SGMS1: variants seen among roughly 807,000 people sequenced by gnomAD.
SGMS1 encodes the protein phosphatidylcholine:ceramide cholinephosphotransferase 1.
Under a neutral mutation model 46.2 loss-of-function variants are expected in SGMS1, and 13 were observed. The observed-to-expected ratio is 0.28, with a 90% CI of 0.18 to 0.45. The LOEUF (loss-of-function observed/expected upper bound fraction) is 0.45. Among genes scored for constraint, SGMS1 ranks in the 20% least tolerant of loss-of-function variants. SGMS1 has a pLI of 1.00. For missense variants in SGMS1, 324 were observed against 519.9 expected (o/e 0.62, Z 3.66); for synonymous variants, 203 against 187.8 (o/e 1.08, Z -0.66).
At chr10:50,371,545 T>G (rs191292533) in intron 6 of SGMS1, among the ~76,000 whole-genome samples, 141 of 152,352 alleles carry the variant, frequency 9.3e-4, no homozygotes, top group African/African-American at 2.9e-3. Flanking sequence ...GTTCTACAAC[T>G]GCACACTATA....
intron 2 of SGMS1, among the ~76,000 whole-genome samples, chr10:50,564,003 A>G (rs187571663): frequency 6.6e-6 from 1 of 152,360 alleles, no homozygotes; most frequent in Non-Finnish European, 1.5e-5. Flanking sequence ...GTGAGAAACC[A>G]GGCCTCAGGC....
At chr10:50,310,408 G>A (rs1222709101) in intron 9 of SGMS1, among the ~76,000 whole-genome samples, 4 of 152,180 alleles carry the variant, frequency 2.6e-5, no homozygotes, top group Non-Finnish European at 4.4e-5. Flanking sequence ...TTCATTTCTA[G>A]CACTGTAATA....
rs554285987 is a variant in SGMS1 at position 50,545,051 on chromosome 10, C to T, written c.-588-25130G>A. Among the ~76,000 whole-genome samples the T allele has an allele frequency of 1.1e-3, 164 of 152,130 alleles. 1 individual carries two copies. The highest frequency in any genetic ancestry group is 3.9e-3 in the African/African-American group (161 of 41,502). On this transcript the variant is annotated intron_variant, in intron 2 of 10. Transcript: ENST00000361781. ...TGAGGTGAAAATGGTAGCACGTGTA[C>T]AATAAAAGCAAGAAATGAGGACACA...
chr10:50,463,671 C>T lies in SGMS1; in HGVS notation c.-454-2857G>A, dbSNP rs186620053. ...ACTATATGATCCAGTAAGCTCACTTCTGGTATGCATCTGAAAGAATTGAAA... is the reference window on the plus strand; with the variant it reads ...ACTATATGATCCAGTAAGCTCACTTTTGGTATGCATCTGAAAGAATTGAAA... On this transcript the variant is annotated intron_variant, in intron 4 of 10. Transcript: ENST00000361781. Among the ~76,000 whole-genome samples the T allele has an allele frequency of 7.2e-5, 11 of 152,288 alleles. No homozygotes were observed. The East Asian group carries it at 2.1e-3, about 29-fold the overall frequency.
chr10:50,623,914 T>C lies in SGMS1; in HGVS notation c.-891A>G, dbSNP rs1332317857. 3.6e-5 allele frequency: 36 copies of C among 986,846 alleles called. No homozygotes were observed. The highest frequency in any genetic ancestry group is 6.1e-5 in the Admixed American group (1 of 16,296). The allele number at this position is 986,846 out of a possible 1,614,324, so 61.1% of individuals were successfully genotyped here. ...CTGCCGCCCGCAGCCGCTGCCCCGC[T>C]GGTGCGAACGCTTTCGACTTGCCAC... On this transcript the variant is annotated 5_prime_UTR_variant, in exon 1 of 11. Transcript: ENST00000361781.
At chr10:50,499,220 A>G (rs1837640890) in intron 3 of SGMS1, among the ~76,000 whole-genome samples, 1 of 152,222 alleles carries the variant, frequency 6.6e-6, no homozygotes, top group Admixed American at 6.5e-5. Context: ...TCAAATATGA[A>G]ACAGCTACTT....
At chr10:50,580,858 G>C (rs764298655) in intron 2 of SGMS1, among the ~76,000 whole-genome samples, 1 of 152,170 alleles carries the variant, frequency 6.6e-6, no homozygotes, top group Admixed American at 6.5e-5. Flanking sequence ...CAATGTGAAC[G>C]TGCTTAACAC....
chr10:50,506,802 G>C (rs1837710528), intron 3 of SGMS1, among the ~76,000 whole-genome samples: 1 of 152,174 alleles, frequency 6.6e-6, no homozygotes, highest in Admixed American at 6.5e-5. Context: ...GCCACCATTA[G>C]CTGCACCCTT....
intron 6 of SGMS1, among the ~76,000 whole-genome samples, chr10:50,351,984 C>T (rs1197220716): frequency 6.6e-6 from 1 of 152,168 alleles, no homozygotes; most frequent in Non-Finnish European, 1.5e-5. Context: ...ACTGAAGCTG[C>T]CACTTACAAA....
chr10:50,620,076 A>T, intron 1 of SGMS1, among the ~76,000 whole-genome samples: 1 of 152,244 alleles, frequency 6.6e-6, no homozygotes, highest in East Asian at 1.9e-4. Context: ...GCACCATTCA[A>T]TGCAGCTTTA....
In SGMS1 at chr10:50,456,360, T is replaced by C. The variant is rs148074339; in HGVS notation, c.-313+4313A>G. ...CCCCTTACCTACTCACATGACACTA[T>C]GGAATCCCAAGGGAAATAAGGAACC... On this transcript the variant is annotated intron_variant, in intron 5 of 10. Transcript: ENST00000361781. Among the ~76,000 whole-genome samples, 635 of 152,078 alleles carry C rather than the reference T, an allele frequency of 4.2e-3. 1 individual carries two copies. Among genetic ancestry groups the C allele is most frequent in the African/African-American group, 0.015 (616 of 41,484 alleles).
At chr10:50,477,281 C>T (rs1307765768) in intron 3 of SGMS1, among the ~76,000 whole-genome samples, 1 of 152,274 alleles carries the variant, frequency 6.6e-6, no homozygotes, top group Non-Finnish European at 1.5e-5. Flanking sequence ...AATGACTACC[C>T]TGCTGGGTTT....
intron 2 of SGMS1, among the ~76,000 whole-genome samples, chr10:50,575,162 T>C (rs1838372714): frequency 6.6e-6 from 1 of 151,814 alleles, no homozygotes; most frequent in South Asian, 2.1e-4. Context: ...TGAAGTTACA[T>C]ACAAAACAAA....
intron 3 of SGMS1, among the ~76,000 whole-genome samples, chr10:50,484,374 A>G (rs750290417): frequency 3.9e-5 from 6 of 152,322 alleles, no homozygotes; most frequent in South Asian, 2.1e-4. Flanking sequence ...TAATAGACCA[A>G]TAACAAGTTC....
At chr10:50,454,599 G>A (rs76836909) in intron 5 of SGMS1, among the ~76,000 whole-genome samples, 6 of 152,202 alleles carry the variant, frequency 3.9e-5, no homozygotes, top group African/African-American at 1.4e-4. Context: ...ACTTTTATGA[G>A]CAATATATCA....
intron 6 of SGMS1, among the ~76,000 whole-genome samples, chr10:50,432,727 A>G (rs1021415312): frequency 2.0e-5 from 3 of 152,262 alleles, no homozygotes; most frequent in African/African-American, 7.2e-5. Flanking sequence ...GTCATAGCAC[A>G]AAGTACTTTC....
intron 3 of SGMS1, among the ~76,000 whole-genome samples, chr10:50,501,467 C>G (rs539620168): frequency 6.6e-6 from 1 of 152,204 alleles, no homozygotes; most frequent in South Asian, 2.1e-4. Flanking sequence ...TGGTGAAATA[C>G]GTTTGATTTT....
chr10:50,426,987 T>A lies in SGMS1; in HGVS notation c.-232+6489A>T, dbSNP rs578222555. Among the ~76,000 whole-genome samples, 3 of 152,224 alleles carry A rather than the reference T, an allele frequency of 2.0e-5. No individual in the cohort carries two copies. In the South Asian group the frequency reaches 6.2e-4, roughly 32 times the overall value. On this transcript the variant is annotated intron_variant, in intron 6 of 10. Coordinates refer to ENST00000361781, the MANE Select transcript of SGMS1 (RefSeq NM_147156.4). ...CATCATAGAAAAGAGAACCACTAAC[T>A]TGAAGGGAAACAAAAATAATCAAAT...
At chr10:50,562,773 T>C (rs1399163167) in intron 2 of SGMS1, among the ~76,000 whole-genome samples, 2 of 152,174 alleles carry the variant, frequency 1.3e-5, no homozygotes. Context: ...CTTGATCTCC[T>C]GACCTCGTGA....
Sources: allele counts gnomAD v4.1 joint callset (sites outside exome capture counted in the v4.1 genomes callset), GRCh38; gene constraint gnomAD v4.1.1; transcripts MANE v1.5; gene names NCBI Gene and HGNC (gene_info 2026-07-23, HGNC 2026-07-21).